Variants in LRRIQ1 observed in about 807,000 individuals in gnomAD.
The protein encoded by LRRIQ1 is leucine rich repeats and IQ motif containing 1.
LRRIQ1 carries 210 observed loss-of-function variants against 211.9 expected under a neutral mutation model. That is an observed-to-expected ratio of 0.99 (90% CI 0.89 to 1.11). The LOEUF (loss-of-function observed/expected upper bound fraction) is 1.11, where lower values mean the gene tolerates loss of function less well. Ranked by LOEUF, LRRIQ1 falls within the 50% of genes most tolerant of loss-of-function variation. The pLI is 0.00. For missense variants in LRRIQ1, 2,136 were observed against 1,939.5 expected (o/e 1.10, Z -1.90); for synonymous variants, 699 against 650.1 (o/e 1.08, Z -1.14).
chr12:85,101,649 T>G (rs751639003), intron 13 of LRRIQ1, among the ~76,000 whole-genome samples: 19 of 151,806 alleles, frequency 1.3e-4, no homozygotes, highest in South Asian at 2.1e-4. Context: ...TAAAAAAGGA[T>G]TATACTATTA....
chr12:85,074,015 C>T (rs1483942885), intron 11 of LRRIQ1, among the ~76,000 whole-genome samples: 2 of 152,020 alleles, frequency 1.3e-5, no homozygotes, highest in African/African-American at 4.8e-5. Flanking sequence ...CAATATTTCA[C>T]ATTGGTAGTT....
chr12:85,264,513 CATT>C (rs1411843776), downstream of LRRIQ1: 3 of 151,958 alleles, frequency 2.0e-5, no homozygotes, highest in South Asian at 2.1e-4. Flanking sequence ...TCAGCCTTGA[CATT>C]ATTATCTTTA....
chr12:85,066,580 T>C (rs1312454592), intron 9 of LRRIQ1, among the ~76,000 whole-genome samples, 168 bp from the exon 10 acceptor site: 1 of 151,670 alleles, frequency 6.6e-6, no homozygotes, highest in African/African-American at 2.4e-5. Context: ...GTTTACCTAA[T>C]ATTTTCATCC....
chr12:85,229,465 C>T, intron 24 of LRRIQ1, 52 bp from the exon 25 acceptor site: 3 of 1,497,634 alleles, frequency 2.0e-6, no homozygotes, highest in Non-Finnish European at 8.9e-7. Flanking sequence ...ACTGGTTGGC[C>T]AAAGTTTGGT....
At chr12:85,092,965 A>T (rs1386151145) in intron 11 of LRRIQ1, among the ~76,000 whole-genome samples, 1 of 152,168 alleles carries the variant, frequency 6.6e-6, no homozygotes, top group Non-Finnish European at 1.5e-5. Flanking sequence ...TAGCACCATA[A>T]CCAGACAATT....
At chr12:85,224,677 T>C (rs1463396585) in intron 24 of LRRIQ1, among the ~76,000 whole-genome samples, 6 of 129,562 alleles carry the variant, frequency 4.6e-5, no homozygotes, top group African/African-American at 1.8e-4. Flanking sequence ...AATTGGGAGT[T>C]GAACAATGAG....
intron 18 of LRRIQ1, among the ~76,000 whole-genome samples, chr12:85,133,768 C>T (rs1888936692): frequency 6.6e-6 from 1 of 152,102 alleles, no homozygotes; most frequent in South Asian, 2.1e-4. Context: ...ATACCTATTC[C>T]TAGAAGCCTG....
Position 85,104,034 on chromosome 12 carries a change from T to G in LRRIQ1, c.3240T>G (p.Phe1080Leu). The stretch of plus-strand genomic sequence containing the variant: ...CTAAAATCGTACCACTTTTTCATTT[T>G]GTTTCATTGGAAAAGCTAGATGTCA... ...SLTKIVPLFH[F>L]VSLEKLDVSH... The change falls in exon 14 of 27, where the codon TTT becomes TTG. Residue 1080 changes from phenylalanine to leucine, a missense_variant. By Grantham distance (22) the Phe-to-Leu change is conservative (BLOSUM62 0). Coordinates refer to ENST00000393217, the MANE Select transcript of LRRIQ1 (RefSeq NM_001079910.2). 1.9e-6 allele frequency: 3 copies of G among 1,569,410 alleles called. No homozygotes were observed. Among genetic ancestry groups the G allele is most frequent in the Non-Finnish European group, 2.6e-6 (3 of 1,157,736 alleles).
intron 15 of LRRIQ1, among the ~76,000 whole-genome samples, chr12:85,114,763 C>T (rs1262228568): frequency 1.3e-5 from 2 of 152,068 alleles, no homozygotes; most frequent in Admixed American, 6.6e-5. Flanking sequence ...AGAATGTTGG[C>T]TGTCAAGTTT....
At chr12:85,252,347 A>T (rs1360504839) in intron 1 of LRRIQ1, among the ~76,000 whole-genome samples, 3 of 151,980 alleles carry the variant, frequency 2.0e-5, no homozygotes, top group Non-Finnish European at 4.4e-5. Context: ...GTTAATCCAT[A>T]GCTAGATGCT....
chr12:85,153,822 A>G, intron 22 of LRRIQ1, 64 bp downstream of exon 22: 1 of 1,105,620 alleles, frequency 9.0e-7, no homozygotes, highest in Non-Finnish European at 1.3e-6. Flanking sequence ...TCCAAGACAG[A>G]TACTTTTCAA....
chr12:85,190,972 A>C (rs1479285540), intron 24 of LRRIQ1, among the ~76,000 whole-genome samples: 1 of 151,990 alleles, frequency 6.6e-6, no homozygotes, highest in African/African-American at 2.4e-5. Flanking sequence ...TGGTGAGCTA[A>C]ATGTTCATGT....
intron 8 of LRRIQ1, among the ~76,000 whole-genome samples, chr12:85,057,991 ATTTTG>A (rs1477773356): frequency 6.6e-6 from 1 of 152,008 alleles, no homozygotes; most frequent in Non-Finnish European, 1.5e-5. Flanking sequence ...GATAAACATT[ATTTTG>A]TTTATTCACT....
At chr12:85,218,020 G>T (rs1894237106) in intron 24 of LRRIQ1, among the ~76,000 whole-genome samples, 1 of 151,686 alleles carries the variant, frequency 6.6e-6, no homozygotes, top group African/African-American at 2.4e-5. Context: ...AAACAGGAGA[G>T]AATCATGTCA....
intron 17 of LRRIQ1, among the ~76,000 whole-genome samples, chr12:85,126,242 T>G (rs1592844920): frequency 6.6e-6 from 1 of 152,228 alleles, no homozygotes; most frequent in East Asian, 1.9e-4. Context: ...CCTGGGGAAT[T>G]TTGATGATAT....
At chr12:85,218,116 C>A (rs1403044950) in intron 24 of LRRIQ1, among the ~76,000 whole-genome samples, 1 of 151,892 alleles carries the variant, frequency 6.6e-6, no homozygotes. Context: ...CTCTTCTTAT[C>A]GTGTGGAAAT....
intron 14 of LRRIQ1, among the ~76,000 whole-genome samples, chr12:85,104,727 G>T (rs543599068): frequency 3.7e-4 from 56 of 151,990 alleles, no homozygotes; most frequent in African/African-American, 1.3e-3. Context: ...GTGGTTGGGG[G>T]TTTATGAATA....
chr12:85,104,435 C>T (rs571555812), intron 14 of LRRIQ1, among the ~76,000 whole-genome samples: 7 of 151,906 alleles, frequency 4.6e-5, no homozygotes, highest in African/African-American at 1.7e-4. Flanking sequence ...TGAATTGACT[C>T]CTTCCTTTCT....
intron 13 of LRRIQ1, among the ~76,000 whole-genome samples, chr12:85,100,426 A>G (rs1886260901): frequency 6.6e-6 from 1 of 151,716 alleles, no homozygotes; most frequent in African/African-American, 2.4e-5. Context: ...GATAATTGGA[A>G]TGATTAATAC....
Sources: gnomAD v4.1 joint callset for allele counts (sites outside exome capture counted in the v4.1 genomes callset) on GRCh38, gnomAD v4.1.1 for gene constraint, MANE v1.5 for transcripts, NCBI Gene and HGNC (gene_info 2026-07-23, HGNC 2026-07-21) for gene names.